MORN5: variants seen among roughly 807,000 people sequenced by gnomAD.
MORN5 encodes the protein MORN repeat containing 5.
A neutral mutation model predicts 22.1 loss-of-function variants in MORN5; 21 were observed. The observed-to-expected ratio is 0.95, with a 90% CI of 0.67 to 1.37. The LOEUF (loss-of-function observed/expected upper bound fraction) is 1.37. Ranked by LOEUF, MORN5 falls within the 40% of genes most tolerant of loss-of-function variation. The probability of loss-of-function intolerance (pLI) is 0.00; values close to 1 mark genes in which losing one functional copy is unlikely to be tolerated. For synonymous variants in MORN5, 73 were observed against 74.0 expected (o/e 0.99, Z 0.07); for missense variants, 211 against 215.1 (o/e 0.98, Z 0.12).
chr9:122,186,477 G>A (rs549341226), intron 4 of MORN5, among the ~76,000 whole-genome samples: 3 of 152,168 alleles, frequency 2.0e-5, no homozygotes, highest in Non-Finnish European at 4.4e-5. Flanking sequence ...TTTGCCTACA[G>A]AGGGCGGGAT....
At chr9:122,164,765 G>A (rs1564414720) in intron 1 of MORN5, 1 of 181,898 alleles carries the variant, frequency 5.5e-6, no homozygotes. Flanking sequence ...AGGAGAAGAG[G>A]AATTCTCCCT....
intron 3 of MORN5, among the ~76,000 whole-genome samples, chr9:122,170,694 T>C (rs989860544): frequency 3.3e-5 from 5 of 152,168 alleles, no homozygotes; most frequent in Admixed American, 1.3e-4. Context: ...AGTCTTCCTC[T>C]CTGAGGTCCT....
intron 4 of MORN5, 132 bp from the exon 5 acceptor site, chr9:122,199,752 TC>T: frequency 2.5e-6 from 2 of 797,572 alleles, no homozygotes; most frequent in Non-Finnish European, 4.4e-6. Flanking sequence ...GGTCTGTTCC[TC>T]CCCACACAAA....
chr9:122,189,559 G>A (rs1210069287), intron 4 of MORN5, among the ~76,000 whole-genome samples: 2 of 152,258 alleles, frequency 1.3e-5, no homozygotes, highest in Admixed American at 6.5e-5. Context: ...ATCACACTGT[G>A]CACTACAGCT....
chr9:122,169,864 A>G, intron 3 of MORN5, 108 bp downstream of exon 3: 1 of 815,944 alleles, frequency 1.2e-6, no homozygotes, highest in Non-Finnish European at 2.1e-6. Flanking sequence ...GGGAAGAGGA[A>G]CTGAGCAGGC....
chr9:122,187,360 C>G (rs187922266), intron 4 of MORN5, among the ~76,000 whole-genome samples: 1 of 152,348 alleles, frequency 6.6e-6, no homozygotes, highest in Admixed American at 6.5e-5. Context: ...CTCTACCCAG[C>G]CCCTGGCATT....
intron 2 of MORN5, 66 bp from the exon 3 acceptor site, chr9:122,169,579 A>G: frequency 9.3e-7 from 1 of 1,070,630 alleles, no homozygotes; most frequent in African/African-American, 1.5e-5. Flanking sequence ...TTCCCTTGAC[A>G]TCTGAACCTC....
chr9:122,193,179 A>T (rs1387021111), intron 4 of MORN5, among the ~76,000 whole-genome samples: 9 of 152,130 alleles, frequency 5.9e-5, no homozygotes, highest in Non-Finnish European at 1.2e-4. Context: ...GACAACTCAA[A>T]ATTCACACCC....
At chr9:122,176,117 C>CA (rs747126842) in intron 4 of MORN5, among the ~76,000 whole-genome samples, 4,931 of 50,940 alleles carry the variant, frequency 0.097, 278 homozygotes, top group African/African-American at 0.22. Flanking sequence ...GACTCCGTCT[C>CA]AAAAAAAAAA....
chr9:122,182,224 A>G (rs772025723), intron 4 of MORN5, among the ~76,000 whole-genome samples: 3 of 152,196 alleles, frequency 2.0e-5, no homozygotes, highest in Non-Finnish European at 2.9e-5. Context: ...AGCACTTCCT[A>G]CTGCCTATTC....
intron 4 of MORN5, chr9:122,174,865 G>A (rs965878239): frequency 6.2e-5 from 82 of 1,327,372 alleles, no homozygotes; most frequent in Non-Finnish European, 7.8e-5. Context: ...CATAAATGTC[G>A]CACTGAAAGG....
At chr9:122,185,780 A>G (rs1159111576) in intron 4 of MORN5, among the ~76,000 whole-genome samples, 1 of 152,146 alleles carries the variant, frequency 6.6e-6, no homozygotes, top group East Asian at 1.9e-4. Context: ...GTCCAACCCC[A>G]CACAGACTGT....
At chr9:122,171,293 C>G (rs1460432666) in intron 3 of MORN5, among the ~76,000 whole-genome samples, 1 of 152,184 alleles carries the variant, frequency 6.6e-6, no homozygotes, top group Non-Finnish European at 1.5e-5. Context: ...CCTTCCCTTC[C>G]CAGCTTCATG....
At chr9:122,187,617 G>A (rs1829664563) in intron 4 of MORN5, among the ~76,000 whole-genome samples, 1 of 152,208 alleles carries the variant, frequency 6.6e-6, no homozygotes, top group South Asian at 2.1e-4. Context: ...CCTTTAGGGA[G>A]CCTAAATGTT....
chr9:122,170,551 G>A (rs1415861784), intron 3 of MORN5, among the ~76,000 whole-genome samples: 1 of 152,160 alleles, frequency 6.6e-6, no homozygotes, highest in Non-Finnish European at 1.5e-5. Flanking sequence ...GCTGGGGGAG[G>A]CTCTCTGTAA....
intron 3 of MORN5, among the ~76,000 whole-genome samples, chr9:122,170,069 G>A (rs753106081): frequency 3.3e-5 from 5 of 152,100 alleles, no homozygotes; most frequent in South Asian, 2.1e-4. Context: ...AGGCCAAGGC[G>A]GGTGGATCAC....
At chr9:122,170,991 TAATAAAAA>T (rs1829357783) in intron 3 of MORN5, among the ~76,000 whole-genome samples, 1 of 151,726 alleles carries the variant, frequency 6.6e-6, no homozygotes, top group Admixed American at 6.6e-5. Flanking sequence ...AATAAATAAG[TAATAAAAA>T]AATAAAAAAA....
chr9:122,187,657 C>T (rs904889426), intron 4 of MORN5, among the ~76,000 whole-genome samples: 4 of 152,094 alleles, frequency 2.6e-5, no homozygotes, highest in Non-Finnish European at 5.9e-5. Context: ...TCCCACCCCT[C>T]GAAATATAGC....
chr9:122,166,659 T>G, intron 1 of MORN5, 109 bp from the exon 2 acceptor site: 49 of 1,049,680 alleles, frequency 4.7e-5, no homozygotes, highest in Non-Finnish European at 5.3e-5. Context: ...ACTGCTGGGA[T>G]GAGAAGGATG....
Sources: gnomAD v4.1 joint callset for allele counts (sites outside exome capture counted in the v4.1 genomes callset) on GRCh38, gnomAD v4.1.1 for gene constraint, MANE v1.5 for transcripts, NCBI Gene and HGNC (gene_info 2026-07-23, HGNC 2026-07-21) for gene names.